Variants in ADCK1 observed in about 807,000 individuals in gnomAD.
ADCK1 encodes the protein aarF domain containing kinase 1.
A neutral mutation model predicts 52.3 loss-of-function variants in ADCK1; 41 were observed. The observed-to-expected ratio is 0.78, with a 90% confidence interval of 0.61 to 1.02. ADCK1 has a LOEUF of 1.02. Among genes scored for constraint, ADCK1 ranks in the 50% least tolerant of loss-of-function variants. The pLI, the probability that ADCK1 is intolerant of heterozygous loss-of-function variation, is 0.00. For synonymous variants in ADCK1, 250 were observed against 274.6 expected, an observed-to-expected ratio of 0.91 and a Z score of 0.89; for missense variants, 658 against 679.5, an observed-to-expected ratio of 0.97 and a Z score of 0.35.
At chr14:77,915,183 CT>C (rs34034949) in intron 7 of ADCK1, among the ~76,000 whole-genome samples, 1,671 of 145,470 alleles carry the variant, frequency 0.011, 31 homozygotes, top group African/African-American at 0.035. Context: ...TGGACCAAAT[CT>C]TTTTTTTTTT....
intron 3 of ADCK1, among the ~76,000 whole-genome samples, chr14:77,830,052 A>G (rs926972813): frequency 6.6e-6 from 1 of 151,458 alleles, no homozygotes; most frequent in Non-Finnish European, 1.5e-5. Flanking sequence ...TAAGCCATAG[A>G]CAATAGGGAG....
intron 1 of ADCK1, among the ~76,000 whole-genome samples, chr14:77,804,309 C>T (rs761607673): frequency 2.6e-5 from 4 of 152,108 alleles, no homozygotes; most frequent in Admixed American, 6.6e-5. Context: ...TACAATACCC[C>T]GAGGGAAGCA....
chr14:77,841,809 A>T (rs1651857956), intron 3 of ADCK1, among the ~76,000 whole-genome samples: 1 of 141,788 alleles, frequency 7.1e-6, no homozygotes, highest in African/African-American at 2.6e-5. Flanking sequence ...ACACCACTGC[A>T]CTCCAGCCTG....
At chr14:77,894,443 C>A (rs182628819) in intron 5 of ADCK1, among the ~76,000 whole-genome samples, 1 of 152,166 alleles carries the variant, frequency 6.6e-6, no homozygotes, top group Non-Finnish European at 1.5e-5. Context: ...TACAAAGCTC[C>A]TCTGCCTTAT....
intron 7 of ADCK1, among the ~76,000 whole-genome samples, chr14:77,916,805 A>G (rs17106611): frequency 0.038 from 5,782 of 152,294 alleles, 291 homozygotes; most frequent in African/African-American, 0.12. Flanking sequence ...CCACCTCAGC[A>G]TTTGTTAGTC....
intron 3 of ADCK1, among the ~76,000 whole-genome samples, chr14:77,835,229 G>A (rs1044836113): frequency 6.6e-6 from 1 of 152,134 alleles, no homozygotes; most frequent in African/African-American, 2.4e-5. Flanking sequence ...CATACAGCTT[G>A]TATTTTAAAA....
chr14:77,863,290 A>T (rs537375999), intron 4 of ADCK1, among the ~76,000 whole-genome samples: 1 of 152,242 alleles, frequency 6.6e-6, no homozygotes, highest in South Asian at 2.1e-4. Context: ...TAATAGGCTG[A>T]ATATTTAGTA....
At chr14:77,864,533 G>A (rs1342199977) in intron 4 of ADCK1, among the ~76,000 whole-genome samples, 1 of 152,006 alleles carries the variant, frequency 6.6e-6, no homozygotes, top group Non-Finnish European at 1.5e-5. Context: ...CCCTCTTTTT[G>A]CATCTCTTCC....
intron 3 of ADCK1, among the ~76,000 whole-genome samples, chr14:77,852,907 ATTTTTTTTTT>A (rs71303864): frequency 0.015 from 443 of 28,746 alleles, no homozygotes; most frequent in Middle Eastern, 0.029. Flanking sequence ...ATATATATAT[ATTTTTTTTTT>A]TTTTTTTTTT....
intron 3 of ADCK1, among the ~76,000 whole-genome samples, chr14:77,852,903 ATATATTTTTTTTTTTT>A (rs2082337323): frequency 3.4e-5 from 1 of 29,440 alleles, no homozygotes; most frequent in South Asian, 9.0e-4. Context: ...ATATATATAT[ATATATTTTTTTTTTTT>A]TTTTTTTTTT....
intron 3 of ADCK1, among the ~76,000 whole-genome samples, chr14:77,852,905 A>ATTTTTTTTTTTTTTTTTTTTT (rs1566668044): frequency 3.5e-5 from 1 of 28,438 alleles, no homozygotes; most frequent in African/African-American, 2.0e-4. Context: ...ATATATATAT[A>ATTTTTTTTTTTTTTTTTTTTT]TATTTTTTTT....
At chr14:77,804,215 A>G (rs938575065) in intron 1 of ADCK1, among the ~76,000 whole-genome samples, 16 of 152,202 alleles carry the variant, frequency 1.1e-4, no homozygotes, top group Non-Finnish European at 1.5e-5. Context: ...TAAGCAGAAC[A>G]GGGCAGGTGA....
intron 5 of ADCK1, 77 bp from the exon 6 acceptor site, chr14:77,899,023 G>A: frequency 6.3e-7 from 1 of 1,581,294 alleles, no homozygotes; most frequent in South Asian, 1.2e-5. Flanking sequence ...CTCTAGGGGA[G>A]AACCAGGCAG....
chr14:77,815,614 G>A (rs112241930), intron 1 of ADCK1, among the ~76,000 whole-genome samples: 1 of 151,410 alleles, frequency 6.6e-6, no homozygotes, highest in South Asian at 2.1e-4. Context: ...CCGCCTCCTG[G>A]GTTAAGTGAT....
intron 1 of ADCK1, among the ~76,000 whole-genome samples, chr14:77,805,252 CTTTTTTTTT>C (rs777184096): frequency 0.022 from 1,364 of 62,202 alleles, 29 homozygotes; most frequent in African/African-American, 0.074. Flanking sequence ...GCTTTGCATT[CTTTTTTTTT>C]TTTTTTTTTT....
intron 3 of ADCK1, among the ~76,000 whole-genome samples, chr14:77,839,997 G>T (rs1030358272): frequency 1.7e-4 from 25 of 151,496 alleles, no homozygotes; most frequent in Non-Finnish European, 2.8e-4. Context: ...GCAGGGAATG[G>T]TCAGCCAAGG....
At chr14:77,874,065 T>C (rs945621451) in intron 4 of ADCK1, among the ~76,000 whole-genome samples, 1 of 152,190 alleles carries the variant, frequency 6.6e-6, no homozygotes, top group Non-Finnish European at 1.5e-5. Context: ...GTGGTGGCAG[T>C]GGGGAGACTG....
In ADCK1 at chr14:77,868,353, C is replaced by T. The variant is rs137959244; in HGVS notation, c.423+9074C>T. Among the ~76,000 whole-genome samples, 8 of 152,300 alleles carry T rather than the reference C, an allele frequency of 5.3e-5. No individual in the cohort carries two copies. The East Asian group carries it at 9.6e-4, about 18-fold the overall frequency. On this transcript the variant is annotated intron_variant, in intron 4 of 10. Transcript: ENST00000238561. ...CTGTTTCAGATGGAAGCTCAGTGCC[C>T]GGAAGAGAGGGCAGCACTCAATCGA...
rs10143234 is a variant in ADCK1 at position 77,924,931 on chromosome 14, G to T, written c.1008+325G>T. ...CAGAAGTGAGCTGTCCTCTGCATGA[G>T]CTGGGACTTTACGGGGAAGGAGTAA... On this transcript the variant is annotated intron_variant, in intron 8 of 10. Coordinates refer to ENST00000238561, the MANE Select transcript of ADCK1 (RefSeq NM_020421.4). 3.8e-3 allele frequency among the ~76,000 whole-genome samples: 580 copies of T among 152,350 alleles called. 3 individuals are homozygous for T. Among genetic ancestry groups the T allele is most frequent in the African/African-American group, 0.013 (546 of 41,584 alleles).
Sources: gnomAD v4.1 joint callset for allele counts (sites outside exome capture counted in the v4.1 genomes callset) on GRCh38, gnomAD v4.1.1 for gene constraint, MANE v1.5 for transcripts, NCBI Gene and HGNC (gene_info 2026-07-23, HGNC 2026-07-21) for gene names.